Variants in CLNK observed in about 807,000 individuals in gnomAD.
The protein encoded by CLNK is cytokine-dependent hematopoietic cell linker.
A neutral mutation model predicts 68.6 loss-of-function variants in CLNK; 74 were observed. That is an observed-to-expected ratio of 1.08 (90% CI 0.89 to 1.31). CLNK has a LOEUF of 1.31. Among genes scored for constraint, CLNK ranks in the 50% most tolerant of loss-of-function variants. The pLI, the probability that CLNK is intolerant of heterozygous loss-of-function variation, is 0.00. For synonymous variants in CLNK, 198 were observed against 172.2 expected (o/e 1.15, Z -1.17); for missense variants, 553 against 515.3 (o/e 1.07, Z -0.71).
At chr4:10,553,743 C>T (rs1020018899) in intron 8 of CLNK, among the ~76,000 whole-genome samples, 1 of 152,206 alleles carries the variant, frequency 6.6e-6, no homozygotes, top group Non-Finnish European at 1.5e-5. Flanking sequence ...CGTGAGCCAC[C>T]GCGCTTGGCC....
Position 10,564,699 on chromosome 4 carries a change from G to A in CLNK, c.371C>T (p.Thr124Ile), listed in dbSNP as rs146891377. ...TRTSISIGQP[T>I]WNTQTRLERV... The stretch of plus-strand genomic sequence containing the variant: ...TTCCAACCTCGTCTGTGTGTTCCAG[G>A]TCGGCTGTCCAATGGAGATAGAGGT... The change falls in exon 7 of 19, where the codon ACC (threonine) becomes ATC (isoleucine). Residue 124 changes from threonine (T) to isoleucine (I), a missense_variant. Coordinates refer to ENST00000226951, the MANE Select transcript of CLNK (RefSeq NM_052964.4). 2 of 1,613,340 alleles carry A rather than the reference G, an allele frequency of 1.2e-6. No homozygotes were observed. The highest frequency in any genetic ancestry group is 1.7e-6 in the Non-Finnish European group (2 of 1,179,318).
At chr4:10,636,762 A>T (rs1289586972) in intron 2 of CLNK, among the ~76,000 whole-genome samples, 2 of 152,156 alleles carry the variant, frequency 1.3e-5, no homozygotes, top group African/African-American at 4.8e-5. Context: ...TTGCAACTGA[A>T]TTTGGAAGGA....
At chr4:10,503,326 G>A (rs1366520404) in intron 17 of CLNK, among the ~76,000 whole-genome samples, 2 of 151,790 alleles carry the variant, frequency 1.3e-5, no homozygotes, top group Non-Finnish European at 2.9e-5. Context: ...GCCAGGCATG[G>A]TATCATGTCC....
chr4:10,535,548 C>G (rs976021505), intron 11 of CLNK, among the ~76,000 whole-genome samples: 1 of 152,148 alleles, frequency 6.6e-6, no homozygotes, highest in Non-Finnish European at 1.5e-5. Flanking sequence ...GTTGATTACT[C>G]TTGCTGTTAC....
the CLNK span, among the ~76,000 whole-genome samples, chr4:10,721,717 C>T: frequency 9.2e-5 from 14 of 152,136 alleles, no homozygotes; most frequent in Admixed American, 2.0e-4. Context: ...GTATGTTAGG[C>T]GTTGTACTAA....
chr4:10,652,095 T>A (rs547230427), intron 2 of CLNK, among the ~76,000 whole-genome samples: 1 of 151,994 alleles, frequency 6.6e-6, no homozygotes, highest in Non-Finnish European at 1.5e-5. Context: ...TAAAAGACAT[T>A]TGAGGCCAGG....
At chr4:10,669,287 C>G (rs11933682) in intron 1 of CLNK, among the ~76,000 whole-genome samples, 72,410 of 152,054 alleles carry the variant, frequency 0.48, 17,712 homozygotes, top group Non-Finnish European at 0.54. Flanking sequence ...CATCCCTCCT[C>G]TTATTAAAAT....
chr4:10,619,890 C>T (rs754653716), intron 2 of CLNK, among the ~76,000 whole-genome samples: 3 of 152,084 alleles, frequency 2.0e-5, no homozygotes, highest in Non-Finnish European at 4.4e-5. Flanking sequence ...CTGCTACAGG[C>T]CAGACTCTTC....
chr4:10,690,214 ACT>A, the CLNK span, among the ~76,000 whole-genome samples: 34 of 151,990 alleles, frequency 2.2e-4, no homozygotes, highest in Non-Finnish European at 4.0e-4. Context: ...TTCCTACTTT[ACT>A]CTCTCTAGCA....
At chr4:10,498,551 CT>C (rs1716906657) in intron 18 of CLNK, among the ~76,000 whole-genome samples, 1 of 152,030 alleles carries the variant, frequency 6.6e-6, no homozygotes, top group Admixed American at 6.5e-5. Context: ...ATGAGAAATT[CT>C]ATAAGCTGAG....
rs138554519 is a variant in CLNK at position 10,512,404 on chromosome 4, T to A, written c.906+1060A>T. 4.2e-3 allele frequency among the ~76,000 whole-genome samples: 636 copies of A among 152,104 alleles called. 6 individuals are homozygous for A. Among genetic ancestry groups the A allele is most frequent in the African/African-American group, 0.014 (599 of 41,516 alleles). On this transcript the variant is annotated intron_variant, in intron 16 of 18. Coordinates refer to ENST00000226951, the MANE Select transcript of CLNK (RefSeq NM_052964.4). ...TGCCACCACGCCTGGCTAATTTTTT[T>A]ATTTTTGGTAGAGATAGAGTTTCTC...
intron 13 of CLNK, 149 bp from the exon 14 acceptor site, chr4:10,526,071 A>G (rs540758298): frequency 3.3e-6 from 2 of 599,482 alleles, no homozygotes; most frequent in South Asian, 4.2e-5. Flanking sequence ...ACTATAACTC[A>G]TGTATTCTAC....
At chr4:10,544,277 G>A (rs1184238873) in intron 8 of CLNK, among the ~76,000 whole-genome samples, 1 of 152,192 alleles carries the variant, frequency 6.6e-6, no homozygotes, top group African/African-American at 2.4e-5. Flanking sequence ...TGTGAGTTTA[G>A]AATAGGACAT....
Position 10,487,235 on chromosome 4 carries a change from A to G in CLNK, c.*3232T>C, listed in dbSNP as rs758245349. ...TTGAATATTCAATTACAGATCTAAT[A>G]AAGCAGGTAGACCATGAATAGGATA... is the stretch of plus-strand genomic sequence containing the variant. On this transcript the variant is annotated 3_prime_UTR_variant, in exon 19 of 19. Coordinates refer to ENST00000226951, the MANE Select transcript of CLNK (RefSeq NM_052964.4). The G allele has an allele frequency of 2.0e-5, 3 of 152,214 alleles. No individual in the cohort carries two copies. Among genetic ancestry groups the G allele is most frequent in the Non-Finnish European group, 2.9e-5 (2 of 68,046 alleles). The allele number at this position is 152,214 out of a possible 1,614,324, so 9.4% of individuals were successfully genotyped here. A position where few individuals can be genotyped will look rare whatever the true frequency, so the allele number is the denominator to read the frequency against.
the CLNK span, among the ~76,000 whole-genome samples, chr4:10,730,825 C>T: frequency 1.3e-5 from 2 of 152,076 alleles, no homozygotes; most frequent in African/African-American, 2.4e-5. Context: ...CCATCACATG[C>T]ATACTGTATC....
At chr4:10,593,093 C>T (rs1191349828) in intron 3 of CLNK, among the ~76,000 whole-genome samples, 1 of 152,194 alleles carries the variant, frequency 6.6e-6, no homozygotes, top group Non-Finnish European at 1.5e-5. Context: ...AACACATTTT[C>T]TTCCCTGCAT....
chr4:10,546,876 G>A (rs1326764248), intron 8 of CLNK, among the ~76,000 whole-genome samples: 2 of 152,154 alleles, frequency 1.3e-5, no homozygotes, highest in African/African-American at 2.4e-5. Flanking sequence ...TCTGGTGAGA[G>A]CCTTCTTGCT....
chr4:10,530,637 CTTT>C (rs1718498067), intron 12 of CLNK, among the ~76,000 whole-genome samples: 1 of 152,162 alleles, frequency 6.6e-6, no homozygotes, highest in Non-Finnish European at 1.5e-5. Flanking sequence ...TCTCCCAATT[CTTT>C]TTTGCCTGTT....
chr4:10,698,853 G>A, the CLNK span, among the ~76,000 whole-genome samples: 1 of 152,176 alleles, frequency 6.6e-6, no homozygotes, highest in Admixed American at 6.5e-5. Flanking sequence ...TCTCCCTGCT[G>A]CAGGTGGGTA....
Sources: allele counts gnomAD v4.1 joint callset (sites outside exome capture counted in the v4.1 genomes callset), GRCh38; gene constraint gnomAD v4.1.1; transcripts MANE v1.5; gene names NCBI Gene and HGNC (gene_info 2026-07-23, HGNC 2026-07-21).